The following ERC1 variants were observed in gnomAD, a reference collection of about 807,000 sequenced individuals.
ERC1 encodes ELKS/RAB6-interacting/CAST family member 1.
ERC1 carries 56 observed loss-of-function variants against 132.0 expected under a neutral mutation model. That is an observed-to-expected ratio of 0.42 (90% CI 0.34 to 0.53). ERC1 has a LOEUF of 0.53. ERC1 is among the 20% of genes least tolerant of loss of function. The probability of loss-of-function intolerance (pLI) is 0.03; values close to 1 mark genes in which losing one functional copy is unlikely to be tolerated. For synonymous variants in ERC1, 478 were observed against 476.1 expected (o/e 1.00, Z -0.05); for missense variants, 1,202 against 1,349.9 (o/e 0.89, Z 1.72).
At chr12:1,199,861 T>A (rs986806450) in intron 12 of ERC1, among the ~76,000 whole-genome samples, 1 of 151,842 alleles carries the variant, frequency 6.6e-6, no homozygotes, top group Non-Finnish European at 1.5e-5. Context: ...CACCCTTGAT[T>A]AAAAACAAAA....
At chr12:1,419,903 A>C (rs1452338152) in intron 17 of ERC1, among the ~76,000 whole-genome samples, 1 of 151,422 alleles carries the variant, frequency 6.6e-6, no homozygotes, top group Non-Finnish European at 1.5e-5. Context: ...ACATGCACTG[A>C]ATATTATTTT....
intron 18 of ERC1, among the ~76,000 whole-genome samples, chr12:1,455,527 C>T (rs199631504): frequency 6.6e-6 from 1 of 152,198 alleles, no homozygotes; most frequent in African/African-American, 2.4e-5. Context: ...AGAATTTCTC[C>T]TCATGTATAA....
intron 15 of ERC1, among the ~76,000 whole-genome samples, chr12:1,295,970 C>T (rs1331362771): frequency 1.2e-4 from 16 of 135,882 alleles, no homozygotes. Flanking sequence ...AAAGAGCATG[C>T]AGTAGAAATC....
intron 13 of ERC1, among the ~76,000 whole-genome samples, chr12:1,248,715 A>G (rs1013008275): frequency 6.6e-6 from 1 of 152,180 alleles, no homozygotes. Context: ...TTGGAGTGGG[A>G]CAAGAGTCAT....
chr12:1,226,940 G>C (rs1164861668), intron 12 of ERC1, among the ~76,000 whole-genome samples: 1 of 152,190 alleles, frequency 6.6e-6, no homozygotes, highest in Non-Finnish European at 1.5e-5. Flanking sequence ...GCCTCCCAAA[G>C]TGTTGGGATT....
At chr12:1,116,471 G>A (rs1184539710) in intron 7 of ERC1, among the ~76,000 whole-genome samples, 7 of 152,120 alleles carry the variant, frequency 4.6e-5, no homozygotes, top group African/African-American at 1.7e-4. Flanking sequence ...TAGGAAACTG[G>A]AATCTGTTAA....
chr12:1,382,557 A>T (rs368633777), intron 16 of ERC1, among the ~76,000 whole-genome samples: 39 of 152,364 alleles, frequency 2.6e-4, no homozygotes, highest in African/African-American at 8.9e-4. Flanking sequence ...TTTAACACAA[A>T]TAAGGCCACA....
At chr12:1,366,497 A>G (rs1222286981) in intron 15 of ERC1, among the ~76,000 whole-genome samples, 1 of 152,226 alleles carries the variant, frequency 6.6e-6, no homozygotes, top group African/African-American at 2.4e-5. Context: ...GGCAGAGGAC[A>G]TAACATAAAC....
At chr12:1,129,308 A>AAAC (rs948952527) in intron 7 of ERC1, among the ~76,000 whole-genome samples, 18 of 17,792 alleles carry the variant, frequency 1.0e-3, no homozygotes, top group Admixed American at 1.3e-3. Context: ...GCGTCTCCAC[A>AAAC]AACAACAACA....
At chr12:1,279,442 A>G (rs1041653945) in intron 14 of ERC1, among the ~76,000 whole-genome samples, 1 of 152,176 alleles carries the variant, frequency 6.6e-6, no homozygotes, top group African/African-American at 2.4e-5. Flanking sequence ...ACAAAGTAGT[A>G]CATGATATTA....
intron 12 of ERC1, among the ~76,000 whole-genome samples, chr12:1,235,436 A>G (rs941413926): frequency 2.0e-5 from 3 of 152,260 alleles, no homozygotes; most frequent in Non-Finnish European, 4.4e-5. Context: ...CTTACATAAC[A>G]TATAACGGAT....
chr12:1,290,923 T>C (rs1194672785), intron 15 of ERC1, among the ~76,000 whole-genome samples: 1 of 152,228 alleles, frequency 6.6e-6, no homozygotes, highest in African/African-American at 2.4e-5. Context: ...CAGTTCTTTC[T>C]CACGTGACCC....
chr12:1,365,081 T>G (rs931402542), intron 15 of ERC1, among the ~76,000 whole-genome samples: 3 of 152,216 alleles, frequency 2.0e-5, no homozygotes, highest in African/African-American at 7.2e-5. Flanking sequence ...CTTTTTAGAT[T>G]AACATAGCCT....
chr12:1,117,332 T>G (rs1175514445), intron 7 of ERC1, among the ~76,000 whole-genome samples: 3 of 152,224 alleles, frequency 2.0e-5, no homozygotes, highest in African/African-American at 7.2e-5. Flanking sequence ...TGTAATATTT[T>G]TATCTGTACA....
In ERC1 at chr12:1,491,369, T is replaced by A; in HGVS notation, c.*1139T>A. The A allele has an allele frequency of 4.3e-6, 1 of 231,242 alleles. No individual in the cohort carries two copies. Among genetic ancestry groups the A allele is most frequent in the Non-Finnish European group, 8.6e-6 (1 of 116,782 alleles). 14.3% of individuals were successfully genotyped at this position (231,242 alleles called of 1,614,324 possible). A position where few individuals can be genotyped will look rare whatever the true frequency, so the allele number is the denominator to read the frequency against. ...TTCTAGCATAAATGAAGGTTTTTCC[T>A]CCTACACACATTCCTTCCTCGGTTA... On this transcript the variant is annotated 3_prime_UTR_variant, in exon 19 of 19. Transcript: ENST00000360905.
intron 2 of ERC1, among the ~76,000 whole-genome samples, chr12:1,038,559 C>T (rs1969561752): frequency 6.6e-6 from 1 of 152,086 alleles, no homozygotes; most frequent in South Asian, 2.1e-4. Flanking sequence ...CAGGGTTTCA[C>T]CATCTTGGCC....
At chr12:1,457,256 C>G (rs1247921534) in intron 18 of ERC1, among the ~76,000 whole-genome samples, 1 of 152,176 alleles carries the variant, frequency 6.6e-6, no homozygotes, top group Non-Finnish European at 1.5e-5. Flanking sequence ...CGATGCATTT[C>G]TCAGAATGTA....
chr12:1,014,173 T>G (rs890245827), intron 1 of ERC1, among the ~76,000 whole-genome samples: 1 of 143,532 alleles, frequency 7.0e-6, no homozygotes, highest in African/African-American at 2.5e-5. Context: ...AAAATGTAAG[T>G]TTTTTTTTTT....
intron 13 of ERC1, among the ~76,000 whole-genome samples, chr12:1,246,282 T>C (rs979912401): frequency 6.6e-6 from 1 of 151,844 alleles, no homozygotes; most frequent in Non-Finnish European, 1.5e-5. Flanking sequence ...CCATGGTGAA[T>C]CTACACAAAG....
Sources: allele counts gnomAD v4.1 joint callset (sites outside exome capture counted in the v4.1 genomes callset), GRCh38; gene constraint gnomAD v4.1.1; transcripts MANE v1.5; gene names NCBI Gene and HGNC (gene_info 2026-07-23, HGNC 2026-07-21).